CC2D2B: variants seen among roughly 807,000 people sequenced by gnomAD.
CC2D2B encodes coiled-coil and C2 domain containing 2B.
Under a neutral mutation model 161.2 loss-of-function variants are expected in CC2D2B, and 128 were observed. The observed-to-expected ratio is 0.79, with a 90% CI of 0.69 to 0.92. CC2D2B has a LOEUF of 0.92. Among genes scored for constraint, CC2D2B ranks in the 40% least tolerant of loss-of-function variants. The pLI is 0.00. For synonymous variants in CC2D2B, 391 were observed against 449.8 expected, an observed-to-expected ratio of 0.87 and a Z score of 1.65; for missense variants, 1,173 against 1,375.1, an observed-to-expected ratio of 0.85 and a Z score of 2.32.
intron 3 of CC2D2B, 52 bp from the exon 4 acceptor site, chr10:95,924,262 T>C (rs2098534015): frequency 1.1e-6 from 1 of 946,634 alleles, no homozygotes; most frequent in Non-Finnish European, 1.5e-6. Context: ...GCTATTGTTG[T>C]TTAATTATAA....
intron 2 of CC2D2B, among the ~76,000 whole-genome samples, chr10:95,911,992 TTAA>T (rs1590292087): frequency 6.6e-6 from 1 of 152,200 alleles, no homozygotes; most frequent in East Asian, 1.9e-4. Flanking sequence ...TCAGTAGTTT[TTAA>T]TAGTGGTACA....
intron 6 of CC2D2B, among the ~76,000 whole-genome samples, chr10:95,936,514 A>T (rs2075827072): frequency 6.6e-6 from 1 of 152,116 alleles, no homozygotes; most frequent in Admixed American, 6.5e-5. Flanking sequence ...TTTTTACTGC[A>T]CAAAACTCAC....
chr10:95,995,198 C>G (rs1295841565), intron 22 of CC2D2B, 71 bp from the exon 23 acceptor site: 5 of 799,538 alleles, frequency 6.3e-6, no homozygotes, highest in Non-Finnish European at 1.9e-6. Context: ...ACAGGAAAAA[C>G]CCACCCACTC....
chr10:95,963,386 C>G (rs1458856327), intron 12 of CC2D2B, among the ~76,000 whole-genome samples: 1 of 152,122 alleles, frequency 6.6e-6, no homozygotes, highest in Non-Finnish European at 1.5e-5. Context: ...AGGCCTGGTA[C>G]CTAGACACTG....
chr10:96,023,944 G>A (rs990406255), intron 32 of CC2D2B, among the ~76,000 whole-genome samples: 10 of 152,204 alleles, frequency 6.6e-5, no homozygotes, highest in Non-Finnish European at 1.5e-4. Context: ...CCTATCAAAT[G>A]TTGCCTCCTT....
Position 95,968,896 on chromosome 10 carries a change from T to C in CC2D2B, c.1639T>C (p.Leu547=), listed in dbSNP as rs1281397777. ...QLMYWPEVIC[L]EVYEKSKRTS... ...AATGTATTGGCCTGAAGTGATTTGT[T>C]TGGAGGTATGCCATTGTCATTTACT... is the stretch of plus-strand genomic sequence containing the variant. Residue 547 remains leucine (L), a synonymous_variant, in exon 15 of 35, where the codon TTG becomes CTG. Coordinates refer to ENST00000646931, the MANE Select transcript of CC2D2B (RefSeq NM_001349008.3). 8.1e-7 allele frequency: 1 copy of C among 1,227,718 alleles called. No homozygotes were observed. Among genetic ancestry groups the C allele is most frequent in the East Asian group, 3.2e-5 (1 of 31,536 alleles). 76.1% of individuals were successfully genotyped at this position (1,227,718 alleles called of 1,614,324 possible). A position where few individuals can be genotyped will look rare whatever the true frequency, so the allele number is the denominator to read the frequency against.
chr10:96,021,567 A>G (rs2079461988), intron 32 of CC2D2B: 1 of 152,238 alleles, frequency 6.6e-6, no homozygotes, highest in South Asian at 2.1e-4. Flanking sequence ...AGTCATGCAT[A>G]TCTACATGAA....
At chr10:95,936,272 C>T (rs1218864264) in intron 6 of CC2D2B, among the ~76,000 whole-genome samples, 2 of 152,164 alleles carry the variant, frequency 1.3e-5, no homozygotes, top group Non-Finnish European at 2.9e-5. Context: ...AAGCTATCTG[C>T]CCTGCAGCTA....
At chr10:96,029,202 C>T (rs1297176102) in intron 34 of CC2D2B, among the ~76,000 whole-genome samples, 1 of 135,608 alleles carries the variant, frequency 7.4e-6, no homozygotes, top group Admixed American at 8.0e-5. Context: ...CTATGCATTG[C>T]ATCATTGCAT....
At chr10:95,966,141 T>A in intron 13 of CC2D2B, 49 bp from the exon 14 acceptor site, 1 of 768,064 alleles carries the variant, frequency 1.3e-6, no homozygotes, top group Non-Finnish European at 1.8e-6. Context: ...ATAAATGTCC[T>A]ACACAGGGAT....
chr10:95,953,997 A>G (rs1485509247), intron 10 of CC2D2B, among the ~76,000 whole-genome samples: 1 of 152,210 alleles, frequency 6.6e-6, no homozygotes, highest in African/African-American at 2.4e-5. Context: ...TTCATTGGCA[A>G]GAATGAAATG....
At chr10:96,003,825 T>G (rs2078632892) in intron 24 of CC2D2B, among the ~76,000 whole-genome samples, 1 of 152,200 alleles carries the variant, frequency 6.6e-6, no homozygotes, top group African/African-American at 2.4e-5. Flanking sequence ...ATGTGTCAAC[T>G]AGCAGAAACT....
Position 95,953,940 on chromosome 10 carries a change from T to C in CC2D2B, c.1012-1454T>C, listed in dbSNP as rs1370020128. Among the ~76,000 whole-genome samples, 3 of 152,194 alleles carry C rather than the reference T, an allele frequency of 2.0e-5. No individual in the cohort carries two copies. The East Asian group carries it at 5.8e-4, about 29-fold the overall frequency. ...CTCCTGCCCTGCAGCAGATTTCCCC[T>C]GATATTTCATTGACTAGAATTATTT... On this transcript the variant is annotated intron_variant, in intron 10 of 34. Transcript: ENST00000646931.
Position 95,996,257 on chromosome 10 carries a change from G to A in CC2D2B, c.2849+5G>A, listed in dbSNP as rs925083901. ...AGAAATTAAAGTAGATTTTGTGTAAGTTGGAGTTCATTTTTCCATAGCTCC... is the reference window on the plus strand; with the variant it reads ...AGAAATTAAAGTAGATTTTGTGTAAATTGGAGTTCATTTTTCCATAGCTCC... On this transcript the variant is annotated splice_donor_5th_base_variant and intron_variant, in intron 24 of 34. Coordinates refer to ENST00000646931, the MANE Select transcript of CC2D2B (RefSeq NM_001349008.3). The A allele has an allele frequency of 7.6e-7, 1 of 1,310,980 alleles. No individual in the cohort carries two copies. Among genetic ancestry groups the A allele is most frequent in the Admixed American group, 2.4e-5 (1 of 42,538 alleles). The allele number at this position is 1,310,980 out of a possible 1,614,324, so 81.2% of individuals were successfully genotyped here. A position where few individuals can be genotyped will look rare whatever the true frequency, so the allele number is the denominator to read the frequency against.
chr10:95,936,081 C>T (rs1430993013), intron 6 of CC2D2B, among the ~76,000 whole-genome samples: 1 of 152,202 alleles, frequency 6.6e-6, no homozygotes, highest in Non-Finnish European at 1.5e-5. Flanking sequence ...GGCCGTGTCT[C>T]TGATCCTCCC....
chr10:95,910,092 G>C (rs2098503420), intron 1 of CC2D2B, among the ~76,000 whole-genome samples: 1 of 151,460 alleles, frequency 6.6e-6, no homozygotes. Flanking sequence ...GGAGTTCAAG[G>C]CTGTAATGAG....
chr10:95,965,297 T>C (rs1485255782), intron 12 of CC2D2B, among the ~76,000 whole-genome samples: 1 of 152,062 alleles, frequency 6.6e-6, no homozygotes, highest in Non-Finnish European at 1.5e-5. Flanking sequence ...TTGTGATAAT[T>C]AAATCAGTCA....
intron 19 of CC2D2B, among the ~76,000 whole-genome samples, chr10:95,987,091 G>T (rs1244851956): frequency 2.0e-5 from 3 of 152,118 alleles, no homozygotes; most frequent in Non-Finnish European, 1.5e-5. Context: ...TTAGGAGGCT[G>T]AGGTGGGCAG....
chr10:95,991,502 A>G (rs554478539), intron 21 of CC2D2B, 41 bp downstream of exon 21: 71 of 573,570 alleles, frequency 1.2e-4, no homozygotes, highest in Admixed American at 6.7e-4. Flanking sequence ...ATAAACCTTT[A>G]AGATAATATC....
Sources: allele counts gnomAD v4.1 joint callset (sites outside exome capture counted in the v4.1 genomes callset), GRCh38; gene constraint gnomAD v4.1.1; transcripts MANE v1.5; gene names NCBI Gene and HGNC (gene_info 2026-07-23, HGNC 2026-07-21).